AFF1: variants seen among roughly 807,000 people sequenced by gnomAD.
The protein encoded by AFF1 is ALF transcription elongation factor 1.
AFF1 carries 48 observed loss-of-function variants against 121.7 expected under a neutral mutation model. The observed-to-expected ratio is 0.39, with a 90% CI of 0.31 to 0.50. The LOEUF is 0.50. Among genes scored for constraint, AFF1 ranks in the 20% least tolerant of loss-of-function variants. The pLI is 0.76. For synonymous variants in AFF1, 613 were observed against 563.0 expected, an observed-to-expected ratio of 1.09 and a Z score of -1.26; for missense variants, 1,523 against 1,511.7, an observed-to-expected ratio of 1.01 and a Z score of -0.12.
chr4:87,078,658 C>T (rs550906131), intron 4 of AFF1, among the ~76,000 whole-genome samples: 7 of 152,150 alleles, frequency 4.6e-5, no homozygotes, highest in African/African-American at 1.4e-4. Flanking sequence ...GGCTCCAGAT[C>T]GGGGCAAGAA....
chr4:87,084,247 A>C, intron 5 of AFF1, 83 bp downstream of exon 5: 1 of 1,468,892 alleles, frequency 6.8e-7, no homozygotes, highest in Non-Finnish European at 9.5e-7. Flanking sequence ...TTTAAAGAAC[A>C]GTTGCCATTG....
chr4:87,084,616 A>G (rs1278717062), intron 5 of AFF1, among the ~76,000 whole-genome samples: 1 of 151,622 alleles, frequency 6.6e-6, no homozygotes, highest in Admixed American at 6.6e-5. Flanking sequence ...AATAAAGAAC[A>G]GTTGTTGTTC....
chr4:86,999,840 CAGA>C (rs1486505107), intron 2 of AFF1, among the ~76,000 whole-genome samples: 1 of 152,062 alleles, frequency 6.6e-6, no homozygotes, highest in African/African-American at 2.4e-5. Context: ...GCAGTGATGG[CAGA>C]AGGAGACTGG....
intron 2 of AFF1, among the ~76,000 whole-genome samples, chr4:87,029,687 A>G (rs545250878): frequency 6.6e-4 from 100 of 152,134 alleles, no homozygotes; most frequent in Non-Finnish European, 1.3e-3. Flanking sequence ...TGTCATTTCC[A>G]TTTATTTTAT....
chr4:86,996,070 G>C (rs4386567), intron 2 of AFF1, among the ~76,000 whole-genome samples: 64,253 of 150,588 alleles, frequency 0.43, 16,365 homozygotes, highest in South Asian at 0.65. Context: ...GAGCGTCTCT[G>C]CCCGGCAGCC....
At chr4:86,980,947 A>AGCC (rs1723691095) in intron 2 of AFF1, among the ~76,000 whole-genome samples, 2 of 102,430 alleles carry the variant, frequency 2.0e-5, no homozygotes, top group East Asian at 3.3e-4. Context: ...GGCTTGAGGC[A>AGCC]CCCCCCCCCT....
intron 2 of AFF1, among the ~76,000 whole-genome samples, chr4:87,040,143 C>T (rs1233366657): frequency 6.6e-6 from 1 of 152,204 alleles, no homozygotes; most frequent in East Asian, 1.9e-4. Flanking sequence ...GATCCTCCCA[C>T]CTCGGCCTCC....
chr4:87,105,944 T>C, intron 10 of AFF1, 99 bp downstream of exon 10: 1 of 1,443,876 alleles, frequency 6.9e-7, no homozygotes. Flanking sequence ...TTTTTTGTCA[T>C]GGGAAGGAGC....
At position 87,136,384 on chromosome 4, in the gene AFF1, T is replaced by G. The variant is rs1012266881; in HGVS notation, c.*683T>G. The stretch of plus-strand genomic sequence containing the variant: ...TAGAGCGCTGCACATTGACCCCAGC[T>G]CTGACTTCTCATTACTGTGCTGAAA... On this transcript the variant is annotated 3_prime_UTR_variant, in exon 21 of 21. Transcript: ENST00000395146. The G allele has an allele frequency of 8.6e-6, 2 of 232,206 alleles. No individual in the cohort carries two copies. The highest frequency in any genetic ancestry group is 1.7e-5 in the Non-Finnish European group (2 of 117,480). The allele number at this position is 232,206 out of a possible 1,614,324, so 14.4% of individuals were successfully genotyped here.
At chr4:87,087,516 G>T (rs555806812) in intron 5 of AFF1, among the ~76,000 whole-genome samples, 19 of 152,252 alleles carry the variant, frequency 1.2e-4, no homozygotes, top group Non-Finnish European at 2.5e-4. Flanking sequence ...CAGGGCTGAC[G>T]TAGGTCCCAG....
chr4:86,981,202 CAG>C (rs762525939), intron 2 of AFF1, among the ~76,000 whole-genome samples: 1 of 151,844 alleles, frequency 6.6e-6, no homozygotes, highest in Non-Finnish European at 1.5e-5. Flanking sequence ...TTAGTAGAGA[CAG>C]GGCTTCACCA....
Position 87,022,557 on chromosome 4 carries a change from T to TACACAC in AFF1, c.39-23608_39-23607insCACACA, listed in dbSNP as rs1168866003. Among the ~76,000 whole-genome samples the TACACAC allele has an allele frequency of 5.1e-3, 280 of 54,838 alleles. 4 individuals carry two copies. The highest frequency in any genetic ancestry group is 0.017 in the African/African-American group (271 of 15,762). 36.0% of individuals were successfully genotyped at this position (54,838 alleles called of 152,430 possible). A position where few individuals can be genotyped will look rare whatever the true frequency, so the allele number is the denominator to read the frequency against. ...CCGTGCTTACAGATATATATATATA[T>TACACAC]ATATATATATATATATATATATATA... On this transcript the variant is annotated intron_variant, in intron 2 of 20. Coordinates refer to ENST00000395146, the MANE Select transcript of AFF1 (RefSeq NM_001166693.3).
chr4:86,939,352 T>C (rs1720288019), intron 1 of AFF1, among the ~76,000 whole-genome samples: 1 of 152,234 alleles, frequency 6.6e-6, no homozygotes, highest in African/African-American at 2.4e-5. Context: ...TGTTGATGTG[T>C]GGTTTCCTGT....
At chr4:87,099,323 G>T (rs1725186009) in intron 8 of AFF1, among the ~76,000 whole-genome samples, 2 of 152,130 alleles carry the variant, frequency 1.3e-5, no homozygotes, top group South Asian at 4.1e-4. Context: ...CATTTGTGCT[G>T]GTTATTTGTA....
At chr4:87,081,129 G>C (rs1051627231) in intron 4 of AFF1, among the ~76,000 whole-genome samples, 33 of 132,914 alleles carry the variant, frequency 2.5e-4, no homozygotes, top group South Asian at 1.7e-3. Context: ...ACTGGCTTTT[G>C]TAGTTTTTCT....
chr4:87,035,511 A>G (rs1560560186), intron 2 of AFF1, among the ~76,000 whole-genome samples: 1 of 151,886 alleles, frequency 6.6e-6, no homozygotes, highest in Non-Finnish European at 1.5e-5. Flanking sequence ...CAGTGAGCGG[A>G]GATCGCGCCA....
intron 1 of AFF1, among the ~76,000 whole-genome samples, chr4:86,942,969 A>G (rs1720575460): frequency 6.6e-6 from 1 of 152,178 alleles, no homozygotes; most frequent in South Asian, 2.1e-4. Flanking sequence ...CACATTCCTA[A>G]CCCATATAAT....
At position 87,004,477 on chromosome 4, in the gene AFF1, A is replaced by G. The variant is rs114162615; in HGVS notation, c.39-41689A>G. 3.0e-3 allele frequency among the ~76,000 whole-genome samples: 451 copies of G among 152,350 alleles called. 6 individuals are homozygous for G. Among genetic ancestry groups the G allele is most frequent in the African/African-American group, 0.01 (424 of 41,578 alleles). Reference sequence around the variant, plus strand: ...TTTTCCAAAATTAAAAAAATTATTGAGAAAGAATGGCATTATTTTACATTC... The same window carrying G: ...TTTTCCAAAATTAAAAAAATTATTGGGAAAGAATGGCATTATTTTACATTC... On this transcript the variant is annotated intron_variant, in intron 2 of 20. Coordinates refer to ENST00000395146, the MANE Select transcript of AFF1 (RefSeq NM_001166693.3).
chr4:87,019,463 A>C (rs1375248232), intron 2 of AFF1, among the ~76,000 whole-genome samples: 2 of 152,230 alleles, frequency 1.3e-5, no homozygotes, highest in Non-Finnish European at 2.9e-5. Context: ...TGCTGTACAG[A>C]GAGGCCAAGA....
Sources: gnomAD v4.1 joint callset for allele counts (sites outside exome capture counted in the v4.1 genomes callset) on GRCh38, gnomAD v4.1.1 for gene constraint, MANE v1.5 for transcripts, NCBI Gene and HGNC (gene_info 2026-07-23, HGNC 2026-07-21) for gene names.